CNTN6: variants seen among roughly 807,000 people sequenced by gnomAD.
CNTN6 encodes the protein contactin-6.
CNTN6 carries 137 observed loss-of-function variants against 122.8 expected under a neutral mutation model. The ratio of observed to expected loss-of-function variants is 1.12; its 90% confidence interval spans 0.97 to 1.29. The LOEUF is 1.29. Among genes scored for constraint, CNTN6 ranks in the 50% most tolerant of loss-of-function variants. CNTN6 has a pLI of 0.00. For missense variants in CNTN6, 1,634 were observed against 1,223.4 expected, an observed-to-expected ratio of 1.34 and a Z score of -5.01; for synonymous variants, 570 against 426.0, an observed-to-expected ratio of 1.34 and a Z score of -4.16.
chr3:1,325,372 G>A (rs1701386750), intron 8 of CNTN6, among the ~76,000 whole-genome samples: 1 of 151,834 alleles, frequency 6.6e-6, no homozygotes, highest in Non-Finnish European at 1.5e-5. Context: ...GTATTGAGTT[G>A]TAATTGTGTC....
chr3:1,142,038 C>T (rs115319519), intron 1 of CNTN6, among the ~76,000 whole-genome samples: 2,035 of 152,132 alleles, frequency 0.013, 43 homozygotes, highest in African/African-American at 0.043. Context: ...TCAAGCCTGC[C>T]GGACAAACCA....
At chr3:1,097,458 A>G (rs574068220) in intron 1 of CNTN6, among the ~76,000 whole-genome samples, 1 of 152,372 alleles carries the variant, frequency 6.6e-6, no homozygotes, top group East Asian at 1.9e-4. Context: ...GATGTGTCGT[A>G]TGAAGTATTA....
intron 1 of CNTN6, among the ~76,000 whole-genome samples, chr3:1,094,822 A>G (rs1268951445): frequency 1.3e-5 from 2 of 152,042 alleles, no homozygotes; most frequent in African/African-American, 4.8e-5. Flanking sequence ...TACCTTTTAA[A>G]TTCTTTTATG....
At chr3:1,384,627 T>G (rs1343371804) in intron 19 of CNTN6, among the ~76,000 whole-genome samples, 1 of 150,498 alleles carries the variant, frequency 6.6e-6, no homozygotes, top group Admixed American at 6.7e-5. Flanking sequence ...AACTTTGGAT[T>G]TAGAATAAAT....
At chr3:1,115,752 A>T (rs1287641798) in intron 1 of CNTN6, among the ~76,000 whole-genome samples, 1 of 151,786 alleles carries the variant, frequency 6.6e-6, no homozygotes, top group South Asian at 2.1e-4. Flanking sequence ...ACTCTGTCTC[A>T]AAATAAATAA....
intron 2 of CNTN6, among the ~76,000 whole-genome samples, chr3:1,212,038 C>T (rs928732747): frequency 6.6e-6 from 1 of 151,902 alleles, no homozygotes; most frequent in African/African-American, 2.4e-5. Context: ...TAATAATGAA[C>T]GTTAGATACC....
intron 11 of CNTN6, among the ~76,000 whole-genome samples, chr3:1,351,602 A>G (rs889187851): frequency 1.7e-4 from 25 of 150,236 alleles, no homozygotes; most frequent in Admixed American, 8.0e-4. Flanking sequence ...AGACTATGCT[A>G]GAGTTTCAGA....
chr3:1,402,579 A>G, intron 22 of CNTN6, 93 bp downstream of exon 22: 1 of 1,020,842 alleles, frequency 9.8e-7, no homozygotes, highest in Non-Finnish European at 1.4e-6. Flanking sequence ...TATGGCTTAA[A>G]TGTTGGGTGA....
intron 2 of CNTN6, among the ~76,000 whole-genome samples, chr3:1,203,494 A>G (rs1478584307): frequency 6.6e-6 from 1 of 152,262 alleles, no homozygotes; most frequent in Non-Finnish European, 1.5e-5. Context: ...AATGCGGGAT[A>G]GAATTCAACT....
At chr3:1,329,133 A>C (rs1368419870) in intron 10 of CNTN6, among the ~76,000 whole-genome samples, 1 of 151,116 alleles carries the variant, frequency 6.6e-6, no homozygotes, top group Non-Finnish European at 1.5e-5. Context: ...GTGTTTCTTC[A>C]ACATCATATG....
At chr3:1,168,215 GTTA>G (rs1245621350) in intron 2 of CNTN6, among the ~76,000 whole-genome samples, 1 of 151,658 alleles carries the variant, frequency 6.6e-6, no homozygotes, top group Non-Finnish European at 1.5e-5. Flanking sequence ...GCCTGGAAAT[GTTA>G]TTAACCCTGT....
intron 11 of CNTN6, among the ~76,000 whole-genome samples, chr3:1,340,104 G>A (rs1472699221): frequency 6.6e-6 from 1 of 152,118 alleles, no homozygotes; most frequent in Non-Finnish European, 1.5e-5. Context: ...GCTTAGAGAA[G>A]TTCAGCATCA....
intron 20 of CNTN6, among the ~76,000 whole-genome samples, chr3:1,386,772 A>G (rs1293814227): frequency 2.0e-5 from 3 of 152,208 alleles, no homozygotes; most frequent in African/African-American, 7.2e-5. Context: ...GACTAAGACA[A>G]ATTCAGTGCC....
At chr3:1,329,117 G>A (rs1289515831) in intron 10 of CNTN6, among the ~76,000 whole-genome samples, 1 of 150,898 alleles carries the variant, frequency 6.6e-6, no homozygotes, top group African/African-American at 2.4e-5. Flanking sequence ...ATATGTATAT[G>A]TGTGTGTGTT....
chr3:1,359,309 T>G (rs17038174), intron 12 of CNTN6, among the ~76,000 whole-genome samples: 5,671 of 152,208 alleles, frequency 0.037, 137 homozygotes, highest in South Asian at 0.058. Context: ...GCTTTGACTA[T>G]TTGTTAATAT....
chr3:1,256,126 C>G (rs970818400), intron 4 of CNTN6, among the ~76,000 whole-genome samples: 11 of 152,060 alleles, frequency 7.2e-5, no homozygotes, highest in African/African-American at 2.7e-4. Context: ...CTGTCGTGGT[C>G]TCCTAAAGTG....
intron 1 of CNTN6, among the ~76,000 whole-genome samples, chr3:1,108,914 A>G (rs993484021): frequency 1.3e-5 from 2 of 152,060 alleles, no homozygotes; most frequent in Non-Finnish European, 2.9e-5. Context: ...ACACTTTAAG[A>G]GAACATAATA....
At chr3:1,154,522 C>A (rs1443359012) in intron 2 of CNTN6, among the ~76,000 whole-genome samples, 1 of 149,968 alleles carries the variant, frequency 6.7e-6, no homozygotes, top group Non-Finnish European at 1.5e-5. Context: ...TGGCTCACTG[C>A]AACCTCTGCC....
intron 2 of CNTN6, among the ~76,000 whole-genome samples, chr3:1,156,056 GTCATGAGCCA>G (rs2092954996): frequency 6.6e-6 from 1 of 152,110 alleles, no homozygotes; most frequent in African/African-American, 2.4e-5. Flanking sequence ...TTCTACCTGT[GTCATGAGCCA>G]TGCCTTCCCT....
Sources: allele counts gnomAD v4.1 joint callset (sites outside exome capture counted in the v4.1 genomes callset), GRCh38; gene constraint gnomAD v4.1.1; transcripts MANE v1.5; gene names NCBI Gene and HGNC (gene_info 2026-07-23, HGNC 2026-07-21).